Variants in SLC25A12 observed in about 807,000 individuals in gnomAD.
SLC25A12 encodes solute carrier family 25 member 12.
A neutral mutation model predicts 83.3 loss-of-function variants in SLC25A12; 32 were observed. The observed-to-expected ratio is 0.38, with a 90% CI of 0.29 to 0.52. The LOEUF is 0.52. Among genes scored for constraint, SLC25A12 ranks in the 20% least tolerant of loss-of-function variants. SLC25A12 has a pLI of 0.84. For synonymous variants in SLC25A12, 267 were observed against 291.1 expected (o/e 0.92, Z 0.84); for missense variants, 611 against 835.6 (o/e 0.73, Z 3.31).
intron 9 of SLC25A12, among the ~76,000 whole-genome samples, chr2:171,820,877 T>C (rs1341933797): frequency 2.6e-5 from 4 of 152,006 alleles, no homozygotes; most frequent in Admixed American, 6.6e-5. Context: ...TCCTCTTTTA[T>C]CTCACTTCCC....
At chr2:171,813,038 A>C (rs373257818) in intron 11 of SLC25A12, among the ~76,000 whole-genome samples, 1 of 152,184 alleles carries the variant, frequency 6.6e-6, no homozygotes, top group African/African-American at 2.4e-5. Flanking sequence ...TTCCACCTGC[A>C]GATATGTGCC....
intron 13 of SLC25A12, among the ~76,000 whole-genome samples, chr2:171,798,186 A>C (rs1218250707): frequency 3.9e-5 from 6 of 152,238 alleles, no homozygotes; most frequent in African/African-American, 1.2e-4. Flanking sequence ...ATATCATATG[A>C]ATTTTTTAAT....
intron 3 of SLC25A12, among the ~76,000 whole-genome samples, chr2:171,863,292 G>A (rs867162200): frequency 5.3e-5 from 8 of 152,294 alleles, no homozygotes; most frequent in South Asian, 4.1e-4. Context: ...TTGGGAGACC[G>A]AGGCGGGCAG....
intron 9 of SLC25A12, among the ~76,000 whole-genome samples, chr2:171,821,894 A>C (rs1684201167): frequency 6.6e-6 from 1 of 152,138 alleles, no homozygotes; most frequent in South Asian, 2.1e-4. Flanking sequence ...TATTCACAAA[A>C]TCTCTGCCTA....
rs527985332 is a variant in SLC25A12, at chr2:171,796,846, T to C, written c.1306-3079A>G. On this transcript the variant is annotated intron_variant, in intron 13 of 17. Transcript: ENST00000422440. ...CTTAAAGGGAAACACACATGGCAAA[T>C]ATGCACTGTTCTTTTTCGGATTCTG... Among the ~76,000 whole-genome samples, 12 of 152,296 alleles carry C rather than the reference T, an allele frequency of 7.9e-5. No individual in the cohort carries two copies. The South Asian group carries it at 2.5e-3, about 32-fold the overall frequency.
chr2:171,817,719 T>C (rs1684084444), intron 9 of SLC25A12, among the ~76,000 whole-genome samples: 1 of 151,840 alleles, frequency 6.6e-6, no homozygotes, highest in African/African-American at 2.4e-5. Flanking sequence ...TTATTTTCAA[T>C]CATGTATCCT....
chr2:171,878,750 G>GAT (rs1352368875), intron 2 of SLC25A12, among the ~76,000 whole-genome samples: 1 of 152,154 alleles, frequency 6.6e-6, no homozygotes, highest in Admixed American at 6.5e-5. Flanking sequence ...AGTAACTACA[G>GAT]ATATCTCATA....
intron 3 of SLC25A12, among the ~76,000 whole-genome samples, chr2:171,867,475 A>T (rs962827323): frequency 6.6e-6 from 1 of 152,198 alleles, no homozygotes; most frequent in African/African-American, 2.4e-5. Flanking sequence ...CACCAAAAAA[A>T]TACGAAAACC....
Position 171,815,501 on chromosome 2 carries a change from T to C in SLC25A12, c.931-299A>G, listed in dbSNP as rs951060581. 3.9e-5 allele frequency among the ~76,000 whole-genome samples: 6 copies of C among 152,326 alleles called. No individual in the cohort carries two copies. In the East Asian group the frequency reaches 1.2e-3, roughly 29 times the overall value. On this transcript the variant is annotated intron_variant, in intron 9 of 17. Coordinates refer to ENST00000422440, the MANE Select transcript of SLC25A12 (RefSeq NM_003705.5). Reference sequence around the variant, plus strand: ...TATTAATGCCTCATTTATCTGCTACTGTTGGGGGAATACACTATCAGTTTA... The same window carrying C: ...TATTAATGCCTCATTTATCTGCTACCGTTGGGGGAATACACTATCAGTTTA...
At chr2:171,879,493 C>G (rs1574003883) in intron 2 of SLC25A12, among the ~76,000 whole-genome samples, 1 of 152,190 alleles carries the variant, frequency 6.6e-6, no homozygotes, top group Non-Finnish European at 1.5e-5. Flanking sequence ...TCAATTGAAG[C>G]TACCATAATA....
chr2:171,784,980 A>G lies in SLC25A12; in HGVS notation c.*294T>C. On this transcript the variant is annotated 3_prime_UTR_variant, in exon 18 of 18. Transcript: ENST00000422440. Reference sequence around the variant, plus strand: ...AGATGTCTCTGTACAAAGATGTACAATATGTACAATCACTGTAAGTGCAAG... The same window carrying G: ...AGATGTCTCTGTACAAAGATGTACAGTATGTACAATCACTGTAAGTGCAAG... The G allele has an allele frequency of 2.6e-6, 1 of 384,628 alleles. No homozygotes were observed. Among genetic ancestry groups the G allele is most frequent in the Non-Finnish European group, 5.0e-6 (1 of 200,358 alleles). The allele number at this position is 384,628 out of a possible 1,614,324, so 23.8% of individuals were successfully genotyped here. A position where few individuals can be genotyped will look rare whatever the true frequency, so the allele number is the denominator to read the frequency against.
At chr2:171,809,877 T>C (rs991573042) in intron 12 of SLC25A12, among the ~76,000 whole-genome samples, 191 bp from the exon 13 acceptor site, 2 of 152,216 alleles carry the variant, frequency 1.3e-5, no homozygotes, top group African/African-American at 4.8e-5. Context: ...ATTTTAGTTT[T>C]GTTTTTGAGA....
At chr2:171,837,084 A>C (rs755088591) in intron 6 of SLC25A12, 37 bp downstream of exon 6, 1 of 1,609,356 alleles carries the variant, frequency 6.2e-7, no homozygotes, top group Non-Finnish European at 8.5e-7. Context: ...AAAAGGTTTG[A>C]GGAAATAGAA....
intron 4 of SLC25A12, among the ~76,000 whole-genome samples, chr2:171,849,220 C>CATAT (rs1469403089): frequency 6.6e-6 from 1 of 151,952 alleles, no homozygotes; most frequent in African/African-American, 2.4e-5. Flanking sequence ...TACATACATA[C>CATAT]ATACATACTA....
chr2:171,817,862 T>C (rs1183709896), intron 9 of SLC25A12, among the ~76,000 whole-genome samples: 1 of 152,172 alleles, frequency 6.6e-6, no homozygotes, highest in Non-Finnish European at 1.5e-5. Context: ...TTTTTCTGTA[T>C]ACTTTCTTCC....
At chr2:171,818,876 G>A (rs1684112868) in intron 9 of SLC25A12, among the ~76,000 whole-genome samples, 1 of 151,614 alleles carries the variant, frequency 6.6e-6, no homozygotes, top group Non-Finnish European at 1.5e-5. Flanking sequence ...TTTATATCAA[G>A]CATTGGAAGG....
chr2:171,892,106 C>G (rs533861709), intron 2 of SLC25A12, among the ~76,000 whole-genome samples: 2 of 152,328 alleles, frequency 1.3e-5, no homozygotes, highest in African/African-American at 4.8e-5. Context: ...TAATACACAG[C>G]AGGGACCTGC....
intron 8 of SLC25A12, 82 bp from the exon 9 acceptor site, chr2:171,826,964 A>G: frequency 1.3e-6 from 1 of 787,850 alleles, no homozygotes; most frequent in Non-Finnish European, 2.2e-6. Context: ...AAAAAAAAAC[A>G]AAAAACAGTG....
chr2:171,867,034 G>A (rs1163548573), intron 3 of SLC25A12, among the ~76,000 whole-genome samples: 2 of 148,058 alleles, frequency 1.4e-5, no homozygotes, highest in African/African-American at 2.5e-5. Context: ...CATCCCAGAC[G>A]GGGCGGTGGG....
Sources: gnomAD v4.1 joint callset for allele counts (sites outside exome capture counted in the v4.1 genomes callset) on GRCh38, gnomAD v4.1.1 for gene constraint, MANE v1.5 for transcripts, NCBI Gene and HGNC (gene_info 2026-07-23, HGNC 2026-07-21) for gene names.